GDE1: variants seen among roughly 807,000 people sequenced by gnomAD.
GDE1 encodes RGS16-interacting membrane protein.
A neutral mutation model predicts 32.2 loss-of-function variants in GDE1; 24 were observed. The observed-to-expected ratio is 0.75, with a 90% CI of 0.54 to 1.05. The LOEUF is 1.05. Among genes scored for constraint, GDE1 ranks in the 50% least tolerant of loss-of-function variants. GDE1 has a pLI of 0.00. For synonymous variants in GDE1, 159 were observed against 158.6 expected, an observed-to-expected ratio of 1.00 and a Z score of -0.02; for missense variants, 380 against 415.0, an observed-to-expected ratio of 0.92 and a Z score of 0.73.
At chr16:19,514,611 TTAAAA>T (rs1316869505) in intron 2 of GDE1, among the ~76,000 whole-genome samples, 1 of 152,206 alleles carries the variant, frequency 6.6e-6, no homozygotes. Flanking sequence ...GTGCAACTGT[TTAAAA>T]TAAATAATGT....
chr16:19,508,357 G>A (rs542371819), intron 3 of GDE1, among the ~76,000 whole-genome samples: 6 of 152,212 alleles, frequency 3.9e-5, no homozygotes, highest in South Asian at 4.1e-4. Flanking sequence ...GTCTAGCTAC[G>A]AAATGAAGAA....
chr16:19,516,889 G>GACCT (rs1597237149), intron 2 of GDE1, 125 bp downstream of exon 2: 3 of 717,492 alleles, frequency 4.2e-6, no homozygotes, highest in Non-Finnish European at 6.8e-6. Context: ...TTACTTACAA[G>GACCT]ACCTACGTAC....
At chr16:19,517,825 T>C (rs944319993) in intron 1 of GDE1, among the ~76,000 whole-genome samples, 2 of 152,232 alleles carry the variant, frequency 1.3e-5, no homozygotes, top group African/African-American at 4.8e-5. Flanking sequence ...TATTTAATGT[T>C]TGCTTCCTTG....
Position 19,503,063 on chromosome 16 carries a change from T to C in GDE1, c.*407A>G, listed in dbSNP as rs943778174. 5.8e-6 allele frequency: 1 copy of C among 173,878 alleles called. No homozygotes were observed. The highest frequency in any genetic ancestry group is 1.2e-5 in the Non-Finnish European group (1 of 80,720). 10.8% of individuals were successfully genotyped at this position (173,878 alleles called of 1,614,324 possible). A position where few individuals can be genotyped will look rare whatever the true frequency, so the allele number is the denominator to read the frequency against. On this transcript the variant is annotated 3_prime_UTR_variant, in exon 6 of 6. Coordinates refer to ENST00000353258, the MANE Select transcript of GDE1 (RefSeq NM_016641.4). ...TTGATGTCTACAGTACATGTTAACA[T>C]AGCTGAGTACAAATATTTGAAATAA... is the stretch of plus-strand genomic sequence containing the variant.
intron 2 of GDE1, among the ~76,000 whole-genome samples, chr16:19,513,498 C>G (rs1247151434): frequency 1.3e-5 from 2 of 152,072 alleles, no homozygotes; most frequent in South Asian, 4.1e-4. Flanking sequence ...TCAGTTTTAA[C>G]AGTTTTTTGG....
rs143702760 is a variant in GDE1 at position 19,517,798 on chromosome 16, C to A, written c.262-609G>T. Among the ~76,000 whole-genome samples the A allele has an allele frequency of 2.7e-4, 41 of 152,272 alleles. 1 individual carries two copies. The East Asian group carries it at 7.1e-3, about 26-fold the overall frequency. ...TGAACCTTAAATTACACGAGCCATG[C>A]TCCTCTGGAGACACACTATTTAATG... On this transcript the variant is annotated intron_variant, in intron 1 of 5. Coordinates refer to ENST00000353258, the MANE Select transcript of GDE1 (RefSeq NM_016641.4).
chr16:19,513,502 T>G (rs1289803002), intron 2 of GDE1, among the ~76,000 whole-genome samples: 2 of 152,194 alleles, frequency 1.3e-5, no homozygotes, highest in Non-Finnish European at 2.9e-5. Context: ...TTTTAACAGT[T>G]TTTTGGTGAA....
chr16:19,503,799 C>T (rs1462597360), intron 5 of GDE1, 182 bp from the exon 6 acceptor site: 1 of 552,590 alleles, frequency 1.8e-6, no homozygotes, highest in Non-Finnish European at 3.2e-6. Flanking sequence ...ACCTCCTCTA[C>T]ACTGTCCCAG....
At position 19,502,406 on chromosome 16, in the gene GDE1, GA is replaced by G. The variant is rs1310329929; in HGVS notation, c.*1063del. 1 of 109,332 alleles carries G rather than the reference GA, an allele frequency of 9.1e-6. No homozygotes were observed. Among genetic ancestry groups the G allele is most frequent in the Admixed American group, 1.2e-4 (1 of 8,090 alleles). 6.8% of individuals were successfully genotyped at this position (109,332 alleles called of 1,614,324 possible). On this transcript the variant is annotated 3_prime_UTR_variant, in exon 6 of 6. Coordinates refer to ENST00000353258, the MANE Select transcript of GDE1 (RefSeq NM_016641.4). ...TTTTTTTTTTTTTTTTTTTTTTTAAGAGTCAGGTTCTCACTGTGCCACCAAG... is the reference window on the plus strand; with the variant it reads ...TTTTTTTTTTTTTTTTTTTTTTTAAGGTCAGGTTCTCACTGTGCCACCAAG...
intron 4 of GDE1, among the ~76,000 whole-genome samples, chr16:19,506,097 C>A (rs1969242507): frequency 6.6e-6 from 1 of 152,106 alleles, no homozygotes; most frequent in African/African-American, 2.4e-5. Flanking sequence ...CGGAAAAACA[C>A]CCTCATCTCT....
chr16:19,509,718 T>C (rs991382038), intron 3 of GDE1, among the ~76,000 whole-genome samples: 9 of 151,384 alleles, frequency 5.9e-5, no homozygotes, highest in Non-Finnish European at 7.4e-5. Context: ...GGAGTACTAC[T>C]GGCGCAATCT....
intron 1 of GDE1, among the ~76,000 whole-genome samples, chr16:19,518,309 A>C (rs1969407253): frequency 6.6e-6 from 1 of 152,196 alleles, no homozygotes; most frequent in Non-Finnish European, 1.5e-5. Flanking sequence ...CTCTTTCTGT[A>C]CTAAAACAAA....
intron 2 of GDE1, among the ~76,000 whole-genome samples, chr16:19,512,643 C>T (rs1969332004): frequency 6.6e-6 from 1 of 152,026 alleles, no homozygotes; most frequent in Non-Finnish European, 1.5e-5. Context: ...GATCAATGTC[C>T]CAGAGCTTTT....
intron 4 of GDE1, among the ~76,000 whole-genome samples, chr16:19,505,763 C>G (rs138260176): frequency 6.6e-5 from 10 of 152,286 alleles, no homozygotes; most frequent in Non-Finnish European, 1.2e-4. Context: ...TCCATGACAG[C>G]TTCTATTGAT....
intron 3 of GDE1, among the ~76,000 whole-genome samples, chr16:19,508,569 G>C (rs1211104550): frequency 6.6e-6 from 1 of 152,126 alleles, no homozygotes; most frequent in African/African-American, 2.4e-5. Context: ...AATAAAAAAG[G>C]ACACAAATTA....
Position 19,507,759 on chromosome 16 carries a change from T to A in GDE1, c.564A>T (p.Lys188Asn). Reference protein sequence around the residue: ...HAHKATEALKKMYMEFPQLYN... With the variant: ...HAHKATEALKNMYMEFPQLYN... ...ACAGTTGAGGAAATTCCATATACAT[T>A]TTCTTTAGAGCCTCAGTAGCCTGTA... is the stretch of plus-strand genomic sequence containing the variant. Residue 188 changes from lysine to asparagine, a missense_variant, in exon 4 of 6, where the codon AAA becomes AAT. Coordinates refer to ENST00000353258, the MANE Select transcript of GDE1 (RefSeq NM_016641.4). 6.5e-7 allele frequency: 1 copy of A among 1,536,294 alleles called. No homozygotes were observed. The highest frequency in any genetic ancestry group is 9.0e-7 in the Non-Finnish European group (1 of 1,110,716).
Position 19,507,694 on chromosome 16 carries a change from A to ATAAC in GDE1, c.625_628dup (p.Ile210SerfsTer34). The ATAAC allele has an allele frequency of 6.5e-7, 1 of 1,527,116 alleles. No homozygotes were observed. The highest frequency in any genetic ancestry group is 9.1e-7 in the Non-Finnish European group (1 of 1,100,794). 94.6% of individuals were successfully genotyped at this position (1,527,116 alleles called of 1,614,324 possible). ...AAAAATCCCGAATGTTACCTTGTAGATAACTTCTGGCAAGAAAGAACAGAC... is the reference window on the plus strand; with the variant it reads ...AAAAATCCCGAATGTTACCTTGTAGATAACTAACTTCTGGCAAGAAAGAACAGAC... On this transcript the variant is annotated frameshift_variant, in exon 4 of 6. Transcript: ENST00000353258. LOFTEE classifies it high-confidence loss of function.
chr16:19,503,438 T>C lies in GDE1; in HGVS notation c.*32A>G. The C allele has an allele frequency of 1.2e-6, 2 of 1,606,050 alleles. No homozygotes were observed. Among genetic ancestry groups the C allele is most frequent in the South Asian group, 1.1e-5 (1 of 90,766 alleles). ...TATCCCTGTATGAGGCCCCTGGCAG[T>C]TTCTGAACCCGTTTCGTCCCACCGT... On this transcript the variant is annotated 3_prime_UTR_variant, in exon 6 of 6. Coordinates refer to ENST00000353258, the MANE Select transcript of GDE1 (RefSeq NM_016641.4).
chr16:19,504,706 G>GT, intron 5 of GDE1, 175 bp downstream of exon 5: 1 of 573,216 alleles, frequency 1.7e-6, no homozygotes, highest in Non-Finnish European at 3.1e-6. Context: ...TCTGAAAACA[G>GT]TGAAATATGC....
Sources: gnomAD v4.1 joint callset for allele counts (sites outside exome capture counted in the v4.1 genomes callset) on GRCh38, gnomAD v4.1.1 for gene constraint, MANE v1.5 for transcripts, NCBI Gene and HGNC (gene_info 2026-07-23, HGNC 2026-07-21) for gene names.